THSD7B: variants seen among roughly 807,000 people sequenced by gnomAD.
THSD7B encodes the protein thrombospondin type-1 domain-containing protein 7B.
A neutral mutation model predicts 213.6 loss-of-function variants in THSD7B; 138 were observed. That is an observed-to-expected ratio of 0.65 (90% CI 0.56 to 0.74). The LOEUF is 0.74. Among genes scored for constraint, THSD7B ranks in the 30% least tolerant of loss-of-function variants. The pLI, the probability that THSD7B is intolerant of heterozygous loss-of-function variation, is 0.00. For missense variants in THSD7B, 1,931 were observed against 1,991.5 expected (o/e 0.97, Z 0.58); for synonymous variants, 742 against 687.0 (o/e 1.08, Z -1.25).
intron 2 of THSD7B, among the ~76,000 whole-genome samples, chr2:136,891,085 C>A (rs1683847181): frequency 6.6e-6 from 1 of 150,912 alleles, no homozygotes. Context: ...TTTGTAAGGT[C>A]TTTTACTTGT....
At chr2:136,771,501 A>G (rs1431315887) in intron 1 of THSD7B, among the ~76,000 whole-genome samples, 1 of 152,110 alleles carries the variant, frequency 6.6e-6, no homozygotes, top group African/African-American at 2.4e-5. Flanking sequence ...TTTTAGACCT[A>G]TCTCTTTAAA....
At chr2:137,401,634 C>CTTTTTTTTTTT (rs35834967) in intron 12 of THSD7B, among the ~76,000 whole-genome samples, 3 of 132,696 alleles carry the variant, frequency 2.3e-5, no homozygotes, top group African/African-American at 5.6e-5. Flanking sequence ...TTCTTTCTTT[C>CTTTTTTTTTTT]TTTTTTTTTT....
At chr2:137,417,107 A>G (rs761543772) in intron 14 of THSD7B, among the ~76,000 whole-genome samples, 1 of 152,214 alleles carries the variant, frequency 6.6e-6, no homozygotes, top group Non-Finnish European at 1.5e-5. Flanking sequence ...ACTGTAATAT[A>G]TAAGTAGGTA....
intron 3 of THSD7B, among the ~76,000 whole-genome samples, chr2:137,059,693 C>G (rs142611902): frequency 2.5e-4 from 38 of 152,258 alleles, no homozygotes; most frequent in African/African-American, 8.9e-4. Flanking sequence ...TGTTCCATGT[C>G]TGTTTGTGAC....
At chr2:137,304,081 T>A (rs1683680713) in intron 12 of THSD7B, among the ~76,000 whole-genome samples, 1 of 151,992 alleles carries the variant, frequency 6.6e-6, no homozygotes, top group Admixed American at 6.6e-5. Context: ...CCTGTGTTAG[T>A]TTGCTGAGAA....
At chr2:136,825,717 A>ATTTTTTTTTTTTTTT (rs1463759620) in intron 1 of THSD7B, among the ~76,000 whole-genome samples, 3 of 53,184 alleles carry the variant, frequency 5.6e-5, no homozygotes, top group Non-Finnish European at 7.5e-5. Flanking sequence ...ATGCCTGGCT[A>ATTTTTTTTTTTTTTT]ATTTTTTTTT....
At chr2:137,547,583 A>G (rs1190909021) in intron 15 of THSD7B, among the ~76,000 whole-genome samples, 1 of 152,072 alleles carries the variant, frequency 6.6e-6, no homozygotes, top group African/African-American at 2.4e-5. Flanking sequence ...CTTGGATAAA[A>G]AGATGCAGCA....
intron 9 of THSD7B, 149 bp downstream of exon 9, chr2:137,233,282 A>G (rs1558967714): frequency 5.7e-6 from 4 of 704,760 alleles, no homozygotes; most frequent in Non-Finnish European, 9.3e-6. Flanking sequence ...AGATTAAAAC[A>G]TGTGCCTCAA....
intron 9 of THSD7B, among the ~76,000 whole-genome samples, chr2:137,240,611 A>C (rs1277074250): frequency 6.6e-6 from 1 of 151,986 alleles, no homozygotes; most frequent in East Asian, 1.9e-4. Context: ...CCTGGGTTTC[A>C]GTGATCCTCT....
chr2:136,971,274 T>A (rs1027718146), intron 2 of THSD7B, among the ~76,000 whole-genome samples: 1 of 152,176 alleles, frequency 6.6e-6, no homozygotes, highest in Admixed American at 6.5e-5. Flanking sequence ...TATATTTGTG[T>A]AGATGGTATG....
chr2:137,542,994 C>T (rs564919497), intron 15 of THSD7B, among the ~76,000 whole-genome samples: 4 of 151,850 alleles, frequency 2.6e-5, no homozygotes, highest in African/African-American at 7.2e-5. Flanking sequence ...AAGATCAAAA[C>T]GGATCTCACA....
intron 3 of THSD7B, among the ~76,000 whole-genome samples, chr2:137,073,518 G>A (rs960533072): frequency 4.6e-5 from 7 of 151,910 alleles, no homozygotes; most frequent in Non-Finnish European, 8.8e-5. Context: ...CAATTTTGTT[G>A]ATCGTTCAAA....
rs757398774 is a variant in THSD7B, at chr2:137,487,396, A to AAAAAAAAAAAC, written c.3138+36376_3138+36377insAAAAAAACAAA. On this transcript the variant is annotated intron_variant, in intron 15 of 27. Coordinates refer to ENST00000409968, the MANE Select transcript of THSD7B (RefSeq NM_001316349.2). ...TCTCAAAAAAAAAAAAAAAAAAAAA[A>AAAAAAAAAAAC]AAAGAACTAGAAAAGCAAGAGCAAA... is the stretch of plus-strand genomic sequence containing the variant. Among the ~76,000 whole-genome samples the AAAAAAAAAAAC allele has an allele frequency of 3.0e-4, 36 of 120,980 alleles. 3 individuals are homozygous for AAAAAAAAAAAC. The highest frequency in any genetic ancestry group is 6.5e-4 in the African/African-American group (20 of 30,866). 79.4% of individuals were successfully genotyped at this position (120,980 alleles called of 152,430 possible).
At chr2:137,451,181 T>C (rs1057320134) in intron 15 of THSD7B, among the ~76,000 whole-genome samples, 158 bp downstream of exon 15, 1 of 152,138 alleles carries the variant, frequency 6.6e-6, no homozygotes, top group African/African-American at 2.4e-5. Flanking sequence ...ATAATAGAAT[T>C]AGTAATTGAA....
intron 1 of THSD7B, among the ~76,000 whole-genome samples, chr2:136,767,345 A>G (rs1226866420): frequency 1.3e-5 from 2 of 152,092 alleles, no homozygotes; most frequent in African/African-American, 4.8e-5. Context: ...TAGTGCCATT[A>G]ATAATAGGAG....
intron 27 of THSD7B, among the ~76,000 whole-genome samples, chr2:137,671,155 T>A (rs1020791252): frequency 2.8e-4 from 43 of 151,910 alleles, no homozygotes; most frequent in Non-Finnish European, 5.7e-4. Context: ...TCAGAAGTTT[T>A]ATCCTAACAT....
At chr2:136,912,011 G>A (rs1684267342) in intron 2 of THSD7B, among the ~76,000 whole-genome samples, 1 of 152,024 alleles carries the variant, frequency 6.6e-6, no homozygotes, top group South Asian at 2.1e-4. Context: ...ATGCAGGAAG[G>A]GAAAGAGGGA....
At chr2:136,953,067 G>T (rs2105074529) in intron 2 of THSD7B, among the ~76,000 whole-genome samples, 2 of 152,032 alleles carry the variant, frequency 1.3e-5, no homozygotes, top group Middle Eastern at 6.8e-3. Flanking sequence ...TTGGTAACAG[G>T]GCAAGATATT....
chr2:137,632,786 C>T (rs1682765912), intron 20 of THSD7B, among the ~76,000 whole-genome samples: 2 of 152,308 alleles, frequency 1.3e-5, no homozygotes, highest in African/African-American at 2.4e-5. Flanking sequence ...ACGGCCTTGA[C>T]TTTTAAAGTG....
Sources: gnomAD v4.1 joint callset for allele counts (sites outside exome capture counted in the v4.1 genomes callset) on GRCh38, gnomAD v4.1.1 for gene constraint, MANE v1.5 for transcripts, NCBI Gene and HGNC (gene_info 2026-07-23, HGNC 2026-07-21) for gene names.